Variants in GREB1 observed in about 807,000 individuals in gnomAD.
GREB1 encodes the protein growth regulating estrogen receptor binding 1.
GREB1 carries 106 observed loss-of-function variants against 200.7 expected under a neutral mutation model. That is an observed-to-expected ratio of 0.53 (90% CI 0.45 to 0.62). The LOEUF is 0.62. Among genes scored for constraint, GREB1 ranks in the 20% least tolerant of loss-of-function variants. The pLI is 0.00. For synonymous variants in GREB1, 1,132 were observed against 1,092.4 expected, an observed-to-expected ratio of 1.04 and a Z score of -0.72; for missense variants, 2,243 against 2,556.8, an observed-to-expected ratio of 0.88 and a Z score of 2.65.
intron 17 of GREB1, among the ~76,000 whole-genome samples, chr2:11,605,862 G>T (rs1682232845): frequency 6.6e-6 from 1 of 152,196 alleles, no homozygotes; most frequent in Non-Finnish European, 1.5e-5. Context: ...TTAAGAGGCA[G>T]TTAGGTTGTT....
chr2:11,510,119 T>G (rs774280170), intron 1 of GREB1, among the ~76,000 whole-genome samples: 1 of 152,202 alleles, frequency 6.6e-6, no homozygotes, highest in Non-Finnish European at 1.5e-5. Context: ...AATTCCCTAC[T>G]TACTGGACTT....
chr2:11,623,685 G>A (rs1054539779), intron 23 of GREB1, among the ~76,000 whole-genome samples: 1 of 152,208 alleles, frequency 6.6e-6, no homozygotes, highest in Non-Finnish European at 1.5e-5. Flanking sequence ...GAGGCCAGGA[G>A]TTTGAGACCA....
chr2:11,564,491 C>CAACAT (rs1307276508), intron 3 of GREB1, among the ~76,000 whole-genome samples: 1 of 152,070 alleles, frequency 6.6e-6, no homozygotes, highest in Non-Finnish European at 1.5e-5. Flanking sequence ...CCAGCCTGGG[C>CAACAT]AACATAGCAA....
chr2:11,560,453 C>T (rs1384348278), intron 2 of GREB1, among the ~76,000 whole-genome samples: 1 of 152,134 alleles, frequency 6.6e-6, no homozygotes, highest in Admixed American at 6.5e-5. Flanking sequence ...ATAATCTCAG[C>T]ACTTTGGGAG....
At chr2:11,579,188 A>G (rs1679208111) in intron 6 of GREB1, among the ~76,000 whole-genome samples, 1 of 152,192 alleles carries the variant, frequency 6.6e-6, no homozygotes, top group African/African-American at 2.4e-5. Flanking sequence ...TCGCCTGGGC[A>G]GGGGACTGGG....
intron 26 of GREB1, 79 bp downstream of exon 26, chr2:11,630,188 C>A: frequency 4.9e-6 from 7 of 1,416,172 alleles, no homozygotes; most frequent in Non-Finnish European, 6.8e-6. Context: ...GACAGAGCTT[C>A]CTGTGAGGGA....
intron 1 of GREB1, among the ~76,000 whole-genome samples, chr2:11,521,396 C>G (rs1673699858): frequency 1.3e-5 from 2 of 152,190 alleles, no homozygotes; most frequent in Admixed American, 1.3e-4. Flanking sequence ...AGGCATGAAC[C>G]ATTGTGCCCG....
At chr2:11,637,184 G>T (rs1685449111) in intron 30 of GREB1, among the ~76,000 whole-genome samples, 2 of 152,244 alleles carry the variant, frequency 1.3e-5, no homozygotes, top group African/African-American at 2.4e-5. Context: ...TGGCGGAGAG[G>T]AGCTGAGGAA....
intron 20 of GREB1, 90 bp from the exon 21 acceptor site, chr2:11,616,541 A>T (rs1329387670): frequency 1.2e-6 from 1 of 811,992 alleles, no homozygotes; most frequent in Non-Finnish European, 2.2e-6. Context: ...GAGGTGATGC[A>T]TGGGAACACA....
rs775409521 is a variant in GREB1 at position 11,588,843 on chromosome 2, G to A, written c.1257G>A (p.Arg419=). ...TCYQNSQSVS[R]AYEQYGASAI... ...ACCAGAATTCCCAGTCTGTCTCACG[G>A]GCATACGAGCAGTACGGCGCCTCTG... The change falls in exon 10 of 33, where the codon CGG becomes CGA. Residue 419 remains arginine (R), a synonymous_variant. Coordinates refer to ENST00000381486, the MANE Select transcript of GREB1 (RefSeq NM_014668.4). The A allele has an allele frequency of 8.1e-6, 13 of 1,614,144 alleles. No individual in the cohort carries two copies. Among genetic ancestry groups the A allele is most frequent in the South Asian group, 2.2e-5 (2 of 91,076 alleles).
intron 9 of GREB1, chr2:11,588,111 C>A: frequency 2.5e-6 from 1 of 398,934 alleles, no homozygotes; most frequent in Non-Finnish European, 3.4e-6. Flanking sequence ...CACCTGTCAT[C>A]CCAGCTACTC....
chr2:11,625,632 C>T (rs917078939), intron 24 of GREB1, among the ~76,000 whole-genome samples: 8 of 152,152 alleles, frequency 5.3e-5, no homozygotes, highest in African/African-American at 1.7e-4. Flanking sequence ...GTTATCAAAA[C>T]GAGTACACGT....
At chr2:11,591,303 C>G (rs1240598278) in intron 10 of GREB1, 1 of 707,780 alleles carries the variant, frequency 1.4e-6, no homozygotes, top group East Asian at 2.7e-5. Context: ...ATCAGGAAAC[C>G]ATGGGAGATA....
intron 2 of GREB1, 46 bp downstream of exon 2, chr2:11,556,817 C>G: frequency 6.7e-7 from 1 of 1,484,896 alleles, no homozygotes. Flanking sequence ...TTTTATTGTG[C>G]GCAGTTAATG....
intron 9 of GREB1, chr2:11,588,340 G>T: frequency 9.2e-7 from 1 of 1,092,246 alleles, no homozygotes; most frequent in Non-Finnish European, 1.1e-6. Flanking sequence ...CCTGCTTGGA[G>T]TCAGGGAGGC....
chr2:11,530,565 CAAA>C (rs34552685), upstream of GREB1, among the ~76,000 whole-genome samples: 17 of 97,070 alleles, frequency 1.8e-4, no homozygotes, highest in Middle Eastern at 5.7e-3. Context: ...GACTCGGTCT[CAAA>C]AAAAAAAAAA....
intron 5 of GREB1, among the ~76,000 whole-genome samples, chr2:11,577,024 G>A (rs996670177): frequency 2.0e-5 from 3 of 151,822 alleles, no homozygotes; most frequent in African/African-American, 4.8e-5. Flanking sequence ...AGCAGAGCAC[G>A]ACTCCATCTC....
rs1684764477 is a variant in GREB1, at chr2:11,630,065, G to A, written c.4567G>A (p.Gly1523Arg). The A allele has an allele frequency of 6.2e-7, 1 of 1,614,204 alleles. No individual in the cohort carries two copies. Residue 1523 changes from glycine to arginine, a missense_variant, in exon 26 of 33, where the codon GGA becomes AGA. Transcript: ENST00000381486. ...KEHHFVFSQPGGQLESMRLPL... is the reference protein window; with the variant it reads ...KEHHFVFSQPRGQLESMRLPL... ...GCACCACTTTGTCTTCAGCCAACCTGGAGGCCAGCTGGAGAGCATGCGACT... is the reference window on the plus strand; with the variant it reads ...GCACCACTTTGTCTTCAGCCAACCTAGAGGCCAGCTGGAGAGCATGCGACT...
In GREB1 at chr2:11,612,620, G is replaced by A; in HGVS notation, c.3122+10G>A. The A allele has an allele frequency of 6.4e-7, 1 of 1,569,956 alleles. No homozygotes were observed. The highest frequency in any genetic ancestry group is 1.3e-5 in the African/African-American group (1 of 74,162). ...GGGAGTCCTTGCCGAGGTGAGTGGA[G>A]GGGTTATGCCCCTGGGGGTCTCTGA... On this transcript the variant is annotated intron_variant, in intron 19 of 32. Coordinates refer to ENST00000381486, the MANE Select transcript of GREB1 (RefSeq NM_014668.4).
Sources: gnomAD v4.1 joint callset for allele counts (sites outside exome capture counted in the v4.1 genomes callset) on GRCh38, gnomAD v4.1.1 for gene constraint, MANE v1.5 for transcripts, NCBI Gene and HGNC (gene_info 2026-07-23, HGNC 2026-07-21) for gene names.